The following PITPNM2 variants were observed in gnomAD, a reference collection of about 807,000 sequenced individuals.
PITPNM2 encodes membrane-associated phosphatidylinositol transfer protein 2.
Under a neutral mutation model 132.2 loss-of-function variants are expected in PITPNM2, and 35 were observed. That is an observed-to-expected ratio of 0.26 (90% CI 0.20 to 0.35). The LOEUF (loss-of-function observed/expected upper bound fraction) is 0.35. Ranked by LOEUF, PITPNM2 falls within the 10% of genes least tolerant of loss-of-function variation. The pLI, the probability that PITPNM2 is intolerant of heterozygous loss-of-function variation, is 1.00. For missense variants in PITPNM2, 1,332 were observed against 1,912.0 expected (o/e 0.70, Z 5.66); for synonymous variants, 738 against 799.2 (o/e 0.92, Z 1.29).
In PITPNM2 at chr12:123,023,059, G is replaced by T. The variant is rs1400881966; in HGVS notation, c.79-9017C>A. On this transcript the variant is annotated intron_variant, in intron 3 of 25. Transcript: ENST00000320201. This position sits in a 1 kb window ranked among gnomAD's most constrained non-coding sequence, Gnocchi z 4.8. Reference sequence around the variant, plus strand: ...TCTCCTGCCCATTAGCCCTGACATGGAATTTATTGCACAGCTGAATGAGGT... The same window carrying T: ...TCTCCTGCCCATTAGCCCTGACATGTAATTTATTGCACAGCTGAATGAGGT... Among the ~76,000 whole-genome samples the T allele has an allele frequency of 6.6e-6, 1 of 152,258 alleles. No individual in the cohort carries two copies. The highest frequency in any genetic ancestry group is 2.4e-5 in the African/African-American group (1 of 41,474).
Position 122,992,902 on chromosome 12 carries a change from T to C in PITPNM2, c.2234-233A>G, listed in dbSNP as rs908845209. 6.6e-6 allele frequency among the ~76,000 whole-genome samples: 1 copy of C among 152,186 alleles called. No individual in the cohort carries two copies. Among genetic ancestry groups the C allele is most frequent in the Non-Finnish European group, 1.5e-5 (1 of 68,020 alleles). On this transcript the variant is annotated intron_variant, in intron 15 of 25. Transcript: ENST00000320201. This position sits in a 1 kb window ranked among gnomAD's most constrained non-coding sequence, Gnocchi z 6.5. Reference sequence around the variant, plus strand: ...GGGCAGTGGTGCGATCTTGGTTCACTGTAGCCTCCGTCTCCTGGGCTCAAG... The same window carrying C: ...GGGCAGTGGTGCGATCTTGGTTCACCGTAGCCTCCGTCTCCTGGGCTCAAG...
At chr12:123,119,516 C>T (rs973254875) in intron 1 of PITPNM2, among the ~76,000 whole-genome samples, 2 of 151,982 alleles carry the variant, frequency 1.3e-5, no homozygotes, top group African/African-American at 4.8e-5. Context: ...CGCCACCACG[C>T]CTGGCTAATT....
At chr12:123,028,532 A>G (rs1207365671) in intron 3 of PITPNM2, among the ~76,000 whole-genome samples, 3 of 152,232 alleles carry the variant, frequency 2.0e-5, no homozygotes, top group African/African-American at 4.8e-5. Flanking sequence ...TGTGAAATCT[A>G]TCTTCCCAGA....
intron 1 of PITPNM2, among the ~76,000 whole-genome samples, chr12:123,135,646 A>T (rs954910609): frequency 6.6e-6 from 1 of 152,220 alleles, no homozygotes; most frequent in Non-Finnish European, 1.5e-5. Context: ...TATTTCATGT[A>T]ACATAATGTC....
intron 2 of PITPNM2, among the ~76,000 whole-genome samples, chr12:123,074,172 C>A (rs914953232): frequency 6.6e-6 from 1 of 152,228 alleles, no homozygotes; most frequent in Non-Finnish European, 1.5e-5. Context: ...ACTCGGTCTA[C>A]TTATCTGTAA....
chr12:123,127,640 C>T (rs1425021405), intron 1 of PITPNM2, among the ~76,000 whole-genome samples: 17 of 145,752 alleles, frequency 1.2e-4, no homozygotes, highest in Admixed American at 2.1e-4. Context: ...GACGGAGTCT[C>T]GCTCTGTCGC....
chr12:123,003,228 GC>G (rs2038774954), intron 8 of PITPNM2, among the ~76,000 whole-genome samples: 1 of 152,132 alleles, frequency 6.6e-6, no homozygotes, highest in Non-Finnish European at 1.5e-5. Flanking sequence ...GAGAACTTCT[GC>G]CCAGGACCAC....
chr12:123,073,922 G>A (rs929369046), intron 2 of PITPNM2, among the ~76,000 whole-genome samples: 1 of 152,162 alleles, frequency 6.6e-6, no homozygotes, highest in Non-Finnish European at 1.5e-5. Context: ...CAGGGAGAGT[G>A]AGCACCCCCC....
chr12:123,019,072 C>A (rs190167831), intron 3 of PITPNM2, among the ~76,000 whole-genome samples: 1 of 152,178 alleles, frequency 6.6e-6, no homozygotes, highest in South Asian at 2.1e-4. Flanking sequence ...GAATGAGCCA[C>A]CGTGCCTGGC....
rs936419933 is a variant in PITPNM2 at position 123,094,866 on chromosome 12, C to G, written c.-96+15519G>C. On this transcript the variant is annotated intron_variant, in intron 2 of 25. Coordinates refer to ENST00000320201, the MANE Select transcript of PITPNM2 (RefSeq NM_020845.3). ...TCATAGTTGGGAACAAACATCACAT[C>G]TACCCCCAGGGCAAGACTGCAGCCA... 1.3e-5 allele frequency among the ~76,000 whole-genome samples: 2 copies of G among 152,224 alleles called. 1 individual carries two copies. The highest frequency in any genetic ancestry group is 1.3e-4 in the Admixed American group (2 of 15,288).
chr12:123,089,827 T>A (rs901379210), intron 2 of PITPNM2: 23 of 152,008 alleles, frequency 1.5e-4, no homozygotes, highest in Admixed American at 1.3e-3. Context: ...CAAACCACCA[T>A]CCTCTGTGAA....
rs72436741 is a variant in PITPNM2 at position 123,137,892 on chromosome 12, C to CAA, written c.-200+12859_-200+12860dup. On this transcript the variant is annotated intron_variant, in intron 1 of 25. Transcript: ENST00000320201. Reference sequence around the variant, plus strand: ...TGGGTGACAGAGCGAGATTCTGTCTCAAAAAAAAAAAAAAAGAAGAAGAAG... The same window carrying CAA: ...TGGGTGACAGAGCGAGATTCTGTCTCAAAAAAAAAAAAAAAAAGAAGAAGAAG... Among the ~76,000 whole-genome samples, 1,219 of 126,938 alleles carry CAA rather than the reference C, an allele frequency of 9.6e-3. 18 individuals carry two copies. The highest frequency in any genetic ancestry group is 0.03 in the African/African-American group (928 of 31,456). 83.3% of individuals were successfully genotyped at this position (126,938 alleles called of 152,430 possible).
At chr12:123,065,092 G>A (rs2041369980) in intron 2 of PITPNM2, among the ~76,000 whole-genome samples, 1 of 152,256 alleles carries the variant, frequency 6.6e-6, no homozygotes, top group Admixed American at 6.5e-5. Context: ...AGCCGCTGGA[G>A]GCCCCTGGAC....
chr12:122,988,807 C>T lies in PITPNM2; in HGVS notation c.2797G>A (p.Ala933Thr), dbSNP rs868755480. The T allele has an allele frequency of 6.3e-7, 1 of 1,585,404 alleles. No homozygotes were observed. Among genetic ancestry groups the T allele is most frequent in the Non-Finnish European group, 8.6e-7 (1 of 1,165,972 alleles). The change falls in exon 19 of 26, where the codon GCC becomes ACC. Residue 933 changes from alanine (A) to threonine (T), a missense_variant. Physicochemically the swap from Ala to Thr is moderately conservative, Grantham distance 58. Around this residue, in one of 6 missense-constraint regions of PITPNM2, gnomAD observed 251 missense variants for 472.0 expected, o/e 0.53. Coordinates refer to ENST00000320201, the MANE Select transcript of PITPNM2 (RefSeq NM_020845.3). ...YALYCPDALT[A>T]FPTVALPHLF... ...TGAGGCAGAGCCACCGTGGGGAAGG[C>T]CGTGAGGGCGTCAGGGCAGTACAGG...
intron 3 of PITPNM2, among the ~76,000 whole-genome samples, chr12:123,029,870 G>A (rs1010706776): frequency 6.6e-6 from 1 of 151,492 alleles, no homozygotes; most frequent in African/African-American, 2.4e-5. Flanking sequence ...CTAGAGCCAT[G>A]GGTGAGGGAG....
At position 122,992,436 on chromosome 12, in the gene PITPNM2, G is replaced by C; in HGVS notation, c.2404+63C>G. Reference sequence around the variant, plus strand: ...GAACCACGTAGCATGGAGGACCTAGGAGCCAGGGAGCCACGCTTACCCCAC... The same window carrying C: ...GAACCACGTAGCATGGAGGACCTAGCAGCCAGGGAGCCACGCTTACCCCAC... On this transcript the variant is annotated intron_variant, in intron 16 of 25. Transcript: ENST00000320201. The surrounding 1 kb of genome is among the most constrained non-coding windows in gnomAD (Gnocchi z 6.5). 6.5e-7 allele frequency: 1 copy of C among 1,535,548 alleles called. No homozygotes were observed. The highest frequency in any genetic ancestry group is 2.4e-5 in the East Asian group (1 of 42,410).
chr12:123,032,663 C>T (rs2040134956), intron 3 of PITPNM2, among the ~76,000 whole-genome samples: 1 of 152,174 alleles, frequency 6.6e-6, no homozygotes, highest in Non-Finnish European at 1.5e-5. Flanking sequence ...CTGGGTTCAC[C>T]CTGGCTTGGG....
At position 123,001,133 on chromosome 12, in the gene PITPNM2, C is replaced by T. The variant is rs766225228; in HGVS notation, c.1074G>A (p.Met358Ile). ...TCCACTTGGTGATGTCCTTGGGGAA[C>T]ATTTCCTCTGTGTCGGACAGGTCCT... ...AHEDLSDTEE[M>I]FPKDITKWSS... The change falls in exon 9 of 26, where the codon ATG becomes ATA. Residue 358 changes from methionine (M) to isoleucine (I), a missense_variant. By Grantham distance (10) the Met-to-Ile change is conservative. Around this residue, in one of 6 missense-constraint regions of PITPNM2, gnomAD observed 710 missense variants for 911.5 expected, o/e 0.78. Transcript: ENST00000320201. 6 of 1,614,186 alleles carry T rather than the reference C, an allele frequency of 3.7e-6. No homozygotes were observed. Among genetic ancestry groups the T allele is most frequent in the Non-Finnish European group, 4.2e-6 (5 of 1,180,012 alleles).
At chr12:123,093,619 C>T (rs1336119261) in intron 2 of PITPNM2, among the ~76,000 whole-genome samples, 8 of 152,200 alleles carry the variant, frequency 5.3e-5, no homozygotes, top group Admixed American at 4.6e-4. Flanking sequence ...TCCCACTCCC[C>T]TCAACCTGAA....
Sources: gnomAD v4.1 joint callset for allele counts (sites outside exome capture counted in the v4.1 genomes callset) on GRCh38, gnomAD v4.1.1 for gene constraint, gnomAD v4.1.1 regional missense constraint, Gnocchi (gnomAD v3.1) non-coding constraint, MANE v1.5 for transcripts, NCBI Gene and HGNC (gene_info 2026-07-23, HGNC 2026-07-21) for gene names.